Variants in SERGEF observed in about 807,000 individuals in gnomAD.
SERGEF encodes secretion regulating guanine nucleotide exchange factor.
SERGEF carries 51 observed loss-of-function variants against 50.0 expected under a neutral mutation model. The observed-to-expected ratio is 1.02, with a 90% confidence interval of 0.81 to 1.29. The LOEUF (loss-of-function observed/expected upper bound fraction) is 1.29, where lower values mean the gene tolerates loss of function less well. Ranked by LOEUF, SERGEF falls within the 50% of genes most tolerant of loss-of-function variation. The pLI is 0.00. For missense variants in SERGEF, 521 were observed against 557.0 expected (o/e 0.94, Z 0.65); for synonymous variants, 205 against 212.4 (o/e 0.97, Z 0.30).
At chr11:17,892,758 T>C (rs1565196708) in intron 9 of SERGEF, among the ~76,000 whole-genome samples, 1 of 152,230 alleles carries the variant, frequency 6.6e-6, no homozygotes, top group Non-Finnish European at 1.5e-5. Context: ...ACGGGTTTAC[T>C]ACTTATTGCT....
chr11:18,008,488 C>T (rs1854129004), intron 1 of SERGEF, among the ~76,000 whole-genome samples: 2 of 152,186 alleles, frequency 1.3e-5, no homozygotes, highest in Admixed American at 1.3e-4. Context: ...TTTTTTCTAC[C>T]TCAGGCCCCA....
intron 6 of SERGEF, among the ~76,000 whole-genome samples, chr11:17,995,314 C>A (rs1853813594): frequency 6.6e-6 from 1 of 152,190 alleles, no homozygotes; most frequent in Non-Finnish European, 1.5e-5. Context: ...ACTGGCCATG[C>A]AAGGCATGGT....
intron 9 of SERGEF, among the ~76,000 whole-genome samples, chr11:17,931,580 C>T (rs561668862): frequency 6.6e-6 from 1 of 152,230 alleles, no homozygotes; most frequent in African/African-American, 2.4e-5. Flanking sequence ...AAAGTCTCAG[C>T]CTAAAGGTCA....
At chr11:17,880,408 T>C (rs1055612211) in intron 9 of SERGEF, among the ~76,000 whole-genome samples, 1 of 152,172 alleles carries the variant, frequency 6.6e-6, no homozygotes, top group African/African-American at 2.4e-5. Context: ...GAAATGCTTA[T>C]GTAAATTATG....
chr11:17,872,714 AAAAGAC>A (rs1851164324), intron 10 of SERGEF, among the ~76,000 whole-genome samples: 2 of 152,238 alleles, frequency 1.3e-5, no homozygotes, highest in Admixed American at 1.3e-4. Flanking sequence ...TTATAATAAC[AAAAGAC>A]TAGAAATTAC....
intron 8 of SERGEF, among the ~76,000 whole-genome samples, chr11:17,984,521 C>G (rs1279037905): frequency 6.6e-6 from 1 of 152,160 alleles, no homozygotes; most frequent in African/African-American, 2.4e-5. Context: ...CCCATCAGGC[C>G]CCACCTCCAA....
At chr11:18,011,711 T>C (rs1415704460) in intron 1 of SERGEF, among the ~76,000 whole-genome samples, 1 of 152,204 alleles carries the variant, frequency 6.6e-6, no homozygotes, top group Non-Finnish European at 1.5e-5. Flanking sequence ...GCTTTGTCTG[T>C]ACTGAAACAA....
intron 10 of SERGEF, among the ~76,000 whole-genome samples, chr11:17,823,820 G>C (rs773659983): frequency 4.6e-5 from 7 of 152,138 alleles, no homozygotes; most frequent in Non-Finnish European, 5.9e-5. Context: ...TAGATTGCTG[G>C]TTACCTACTT....
chr11:17,821,906 C>G (rs1344529660), intron 10 of SERGEF, among the ~76,000 whole-genome samples: 1 of 152,188 alleles, frequency 6.6e-6, no homozygotes, highest in African/African-American at 2.4e-5. Context: ...GAGCTTCCCC[C>G]TCCTTCCACA....
chr11:18,010,960 C>T (rs1323733269), intron 1 of SERGEF, among the ~76,000 whole-genome samples: 1 of 152,164 alleles, frequency 6.6e-6, no homozygotes, highest in South Asian at 2.1e-4. Flanking sequence ...AGAAAAGTAA[C>T]ATGACACATG....
In SERGEF at chr11:17,991,604, CT is replaced by C. The variant is rs1853712328; in HGVS notation, c.685+1326del. 6.6e-6 allele frequency among the ~76,000 whole-genome samples: 1 copy of C among 152,196 alleles called. No individual in the cohort carries two copies. The highest frequency in any genetic ancestry group is 2.4e-5 in the African/African-American group (1 of 41,446). On this transcript the variant is annotated intron_variant, in intron 7 of 10. Coordinates refer to ENST00000265965, the MANE Select transcript of SERGEF (RefSeq NM_012139.4). The surrounding 1 kb of genome is among the most constrained non-coding windows in gnomAD (Gnocchi z 4.9). The stretch of plus-strand genomic sequence containing the variant: ...AGTTGGCATTCATTTCAACTCAACA[CT>C]TTTAACAAATATTAATATATAAATC...
Position 17,859,856 on chromosome 11 carries a change from T to C in SERGEF, c.1048+18352A>G, listed in dbSNP as rs151176725. 1.1e-4 allele frequency among the ~76,000 whole-genome samples: 17 copies of C among 152,278 alleles called. No homozygotes were observed. The East Asian group carries it at 1.7e-3, about 16-fold the overall frequency. The stretch of plus-strand genomic sequence containing the variant: ...TGAAAGTGTCAATCAAATGTGAAAA[T>C]AGAGTAAGTATATTTTCAGAATTTC... On this transcript the variant is annotated intron_variant, in intron 10 of 10. Coordinates refer to ENST00000265965, the MANE Select transcript of SERGEF (RefSeq NM_012139.4).
At position 17,910,070 on chromosome 11, in the gene SERGEF, AG is replaced by A. The variant is rs375878451; in HGVS notation, c.1012-31827del. On this transcript the variant is annotated intron_variant, in intron 9 of 10. Coordinates refer to ENST00000265965, the MANE Select transcript of SERGEF (RefSeq NM_012139.4). ...CACTCAGGGGACTCACAGTAAGGTC[AG>A]GGTCCAAACTTGGATCAAGGGGTTA... is the stretch of plus-strand genomic sequence containing the variant. 6.8e-3 allele frequency among the ~76,000 whole-genome samples: 1,036 copies of A among 152,260 alleles called. 15 individuals are homozygous for A. Among genetic ancestry groups the A allele is most frequent in the African/African-American group, 0.024 (994 of 41,532 alleles).
chr11:17,993,378 T>C (rs940251052), intron 6 of SERGEF, among the ~76,000 whole-genome samples: 8 of 152,212 alleles, frequency 5.3e-5, no homozygotes, highest in Non-Finnish European at 8.8e-5. Flanking sequence ...TAAAAATGTG[T>C]GTGCATGTGT....
intron 9 of SERGEF, among the ~76,000 whole-genome samples, chr11:17,937,254 G>A (rs1329064552): frequency 1.3e-5 from 2 of 152,070 alleles, no homozygotes; most frequent in African/African-American, 2.4e-5. Flanking sequence ...ACAATGGGCC[G>A]GGCATGGTGG....
At chr11:18,011,173 A>T (rs769984935) in intron 1 of SERGEF, among the ~76,000 whole-genome samples, 1 of 136,114 alleles carries the variant, frequency 7.3e-6, no homozygotes, top group Non-Finnish European at 1.6e-5. Flanking sequence ...CACACCCCTA[A>T]CAAGGTAAAT....
intron 9 of SERGEF, among the ~76,000 whole-genome samples, chr11:17,908,105 T>C (rs1851884791): frequency 6.6e-6 from 1 of 152,168 alleles, no homozygotes; most frequent in African/African-American, 2.4e-5. Context: ...CTCCAATCCA[T>C]CTTTCACCCT....
chr11:17,933,269 T>A (rs756450717), intron 9 of SERGEF, among the ~76,000 whole-genome samples: 49 of 152,314 alleles, frequency 3.2e-4, no homozygotes, highest in Admixed American at 1.5e-3. Context: ...TGGAGGTTTA[T>A]ACAACTCTTG....
chr11:17,903,995 A>G (rs186944215), intron 9 of SERGEF, among the ~76,000 whole-genome samples: 118 of 152,344 alleles, frequency 7.7e-4, no homozygotes, highest in African/African-American at 2.7e-3. Context: ...CAAGTGCCAG[A>G]TCAGTTAGCC....
Sources: allele counts gnomAD v4.1 joint callset (sites outside exome capture counted in the v4.1 genomes callset), GRCh38; gene constraint gnomAD v4.1.1; non-coding constraint Gnocchi (gnomAD v3.1); transcripts MANE v1.5; gene names NCBI Gene and HGNC (gene_info 2026-07-23, HGNC 2026-07-21).